Variants in NDRG1 observed in about 807,000 individuals in gnomAD.
The protein encoded by NDRG1 is N-myc downstream regulated 1.
A neutral mutation model predicts 56.9 loss-of-function variants in NDRG1; 32 were observed. The ratio of observed to expected loss-of-function variants is 0.56; its 90% confidence interval spans 0.42 to 0.76. The LOEUF is 0.76. NDRG1 is among the 30% of genes least tolerant of loss of function. The pLI, the probability that NDRG1 is intolerant of heterozygous loss-of-function variation, is 0.00. For missense variants in NDRG1, 507 were observed against 545.7 expected (o/e 0.93, Z 0.71); for synonymous variants, 211 against 204.1 (o/e 1.03, Z -0.29).
chr8:133,247,965 C>G, intron 11 of NDRG1, 39 bp from the exon 12 acceptor site: 1 of 1,606,730 alleles, frequency 6.2e-7, no homozygotes, highest in Non-Finnish European at 8.5e-7. Context: ...GCACAAGGTT[C>G]CTTTAAAGAT....
rs1272334420 is a variant in NDRG1 at position 133,242,024 on chromosome 8, G to A, written c.942C>T (p.Tyr314=). 1 of 1,614,072 alleles carries A rather than the reference G, an allele frequency of 6.2e-7. No individual in the cohort carries two copies. The highest frequency in any genetic ancestry group is 8.5e-7 in the Non-Finnish European group (1 of 1,180,048). The change falls in exon 15 of 16, where the codon TAC becomes TAT. Residue 314 remains tyrosine, a splice_region_variant and synonymous_variant. Coordinates refer to ENST00000323851, the MANE Select transcript of NDRG1 (RefSeq NM_006096.4). ...AFKYFVQGMG[Y]MPSASMTRLM... ...GCACACGGGGAATGCCATACTCACT[G>A]TATCCCATGCCCTGCACGAAGTACT...
intron 15 of NDRG1, 73 bp downstream of exon 15, chr8:133,241,950 C>T: frequency 6.4e-7 from 1 of 1,568,208 alleles, no homozygotes; most frequent in South Asian, 1.1e-5. Context: ...TCATCCAAAC[C>T]TGGCTCAGGA....
chr8:133,295,531 C>T (rs918525568), intron 1 of NDRG1, among the ~76,000 whole-genome samples: 2 of 152,266 alleles, frequency 1.3e-5, no homozygotes, highest in African/African-American at 4.8e-5. Flanking sequence ...AGCCGTGTGT[C>T]TTCCCCACCA....
At chr8:133,290,961 A>C (rs1309911045) in intron 1 of NDRG1, among the ~76,000 whole-genome samples, 2 of 152,202 alleles carry the variant, frequency 1.3e-5, no homozygotes, top group Admixed American at 6.5e-5. Flanking sequence ...ACAAAGGCCC[A>C]CTTGACTTCC....
chr8:133,252,916 CT>C (rs1306820799), intron 9 of NDRG1, among the ~76,000 whole-genome samples: 1 of 152,132 alleles, frequency 6.6e-6, no homozygotes, highest in Non-Finnish European at 1.5e-5. Context: ...CTCTATTCCC[CT>C]GGTACACTCG....
At chr8:133,245,949 C>T (rs1243868048) in intron 13 of NDRG1, among the ~76,000 whole-genome samples, 3 of 152,198 alleles carry the variant, frequency 2.0e-5, no homozygotes, top group Admixed American at 6.5e-5. Context: ...GTTGAGGGCA[C>T]GGTGACCTAC....
At chr8:133,296,527 C>T (rs1419558249) in intron 1 of NDRG1, 1 of 456,028 alleles carries the variant, frequency 2.2e-6, no homozygotes, top group African/African-American at 2.0e-5. Flanking sequence ...CCTGTGTGTG[C>T]TACGGGACTG....
intron 9 of NDRG1, among the ~76,000 whole-genome samples, chr8:133,254,226 G>A (rs1856241136): frequency 6.6e-6 from 1 of 152,328 alleles, no homozygotes; most frequent in South Asian, 2.1e-4. Context: ...GAAACTCTTG[G>A]AGTGATGGAG....
chr8:133,264,811 G>A, intron 3 of NDRG1, 159 bp from the exon 4 acceptor site: 1 of 691,316 alleles, frequency 1.4e-6, no homozygotes, highest in Non-Finnish European at 2.6e-6. Context: ...CTGGCCAGAA[G>A]CCACTCCAAG....
intron 1 of NDRG1, among the ~76,000 whole-genome samples, chr8:133,288,025 TCAGA>T (rs375421211): frequency 9.9e-4 from 150 of 152,082 alleles, no homozygotes; most frequent in Middle Eastern, 3.4e-3. Context: ...ATTCTCACAC[TCAGA>T]CATTCTCACA....
intron 1 of NDRG1, among the ~76,000 whole-genome samples, chr8:133,291,527 AG>A (rs1265888676): frequency 6.6e-6 from 1 of 152,156 alleles, no homozygotes; most frequent in Non-Finnish European, 1.5e-5. Flanking sequence ...GGGGAGGGTG[AG>A]GAAGTTGGCA....
chr8:133,259,410 A>G, intron 5 of NDRG1, 180 bp from the exon 6 acceptor site: 1 of 661,662 alleles, frequency 1.5e-6, no homozygotes, highest in South Asian at 1.6e-5. Flanking sequence ...CACTCTATCA[A>G]TTGCTTCCTA....
chr8:133,283,084 T>C (rs1276567217), intron 2 of NDRG1, among the ~76,000 whole-genome samples: 1 of 152,166 alleles, frequency 6.6e-6, no homozygotes, highest in Non-Finnish European at 1.5e-5. Context: ...AAATGAACAG[T>C]CTATTCACCA....
chr8:133,291,418 C>A (rs73348356), intron 1 of NDRG1, among the ~76,000 whole-genome samples: 1 of 152,178 alleles, frequency 6.6e-6, no homozygotes, highest in Non-Finnish European at 1.5e-5. Flanking sequence ...GGATACAATC[C>A]TTTGTCATTT....
intron 13 of NDRG1, chr8:133,244,727 C>T (rs896439726): frequency 1.9e-5 from 9 of 473,716 alleles, no homozygotes; most frequent in African/African-American, 3.9e-5. Flanking sequence ...TTGAGGGACT[C>T]GCAAGGTTCC....
At chr8:133,288,912 A>G (rs1211132513) in intron 1 of NDRG1, among the ~76,000 whole-genome samples, 4 of 152,218 alleles carry the variant, frequency 2.6e-5, no homozygotes, top group African/African-American at 9.6e-5. Context: ...GCCAGCCTGT[A>G]TCTTCACTTC....
intron 3 of NDRG1, chr8:133,264,962 GGC>G (rs1312367759): frequency 2.4e-6 from 1 of 423,886 alleles, no homozygotes; most frequent in Non-Finnish European, 4.4e-6. Flanking sequence ...CTGGAAAACA[GGC>G]CATCAAGCCT....
intron 11 of NDRG1, among the ~76,000 whole-genome samples, chr8:133,248,468 C>T (rs1030666239): frequency 4.6e-5 from 7 of 152,172 alleles, no homozygotes; most frequent in African/African-American, 1.7e-4. Context: ...AATGCTGTCC[C>T]AAGTACAATC....
chr8:133,284,686 A>G (rs1858003717), intron 1 of NDRG1: 3 of 457,600 alleles, frequency 6.6e-6, no homozygotes, highest in Admixed American at 2.4e-5. Flanking sequence ...GGGGACCTGC[A>G]TTGCTGATCC....
Sources: allele counts gnomAD v4.1 joint callset (sites outside exome capture counted in the v4.1 genomes callset), GRCh38; gene constraint gnomAD v4.1.1; transcripts MANE v1.5; gene names NCBI Gene and HGNC (gene_info 2026-07-23, HGNC 2026-07-21).